The following FOXN3 variants were observed in gnomAD, a reference collection of about 807,000 sequenced individuals.
FOXN3 encodes forkhead box protein N3.
A neutral mutation model predicts 38.4 loss-of-function variants in FOXN3; 7 were observed. The ratio of observed to expected loss-of-function variants is 0.18; its 90% CI spans 0.10 to 0.34. The LOEUF is 0.34. Among genes scored for constraint, FOXN3 ranks in the 10% least tolerant of loss-of-function variants. The pLI is 1.00. For synonymous variants in FOXN3, 230 were observed against 242.2 expected (o/e 0.95, Z 0.47); for missense variants, 456 against 613.4 (o/e 0.74, Z 2.71).
At chr14:89,431,881 AT>A (rs1476281841) in intron 1 of FOXN3, among the ~76,000 whole-genome samples, 1 of 151,912 alleles carries the variant, frequency 6.6e-6, no homozygotes, top group Admixed American at 6.5e-5. Context: ...CGTCCAGCTA[AT>A]TTTTGTATTT....
At chr14:89,333,751 A>T (rs1357247490) in intron 3 of FOXN3, among the ~76,000 whole-genome samples, 16 of 91,852 alleles carry the variant, frequency 1.7e-4, no homozygotes, top group African/African-American at 3.4e-4. Flanking sequence ...GAGACTATTA[A>T]AAAAAAAAAA....
At chr14:89,235,109 A>T (rs1464618893) in intron 4 of FOXN3, among the ~76,000 whole-genome samples, 1 of 152,120 alleles carries the variant, frequency 6.6e-6, no homozygotes, top group Non-Finnish European at 1.5e-5. Context: ...TTCTTATTTA[A>T]TCCTTATGCC....
chr14:89,382,729 T>C (rs1279362703), intron 2 of FOXN3, among the ~76,000 whole-genome samples: 1 of 152,198 alleles, frequency 6.6e-6, no homozygotes, highest in Admixed American at 6.5e-5. Flanking sequence ...GAACAATCAT[T>C]GCCACTTTAC....
intron 1 of FOXN3, among the ~76,000 whole-genome samples, chr14:89,510,671 G>A (rs113769214): frequency 3.3e-5 from 5 of 152,132 alleles, no homozygotes; most frequent in African/African-American, 4.8e-5. Context: ...GACTAGGCAC[G>A]GTGGCTCACA....
At chr14:89,450,433 C>A (rs1276926271) in intron 1 of FOXN3, among the ~76,000 whole-genome samples, 1 of 152,150 alleles carries the variant, frequency 6.6e-6, no homozygotes, top group African/African-American at 2.4e-5. Context: ...AAATGTGCCT[C>A]CGTAGAATGC....
intron 1 of FOXN3, among the ~76,000 whole-genome samples, chr14:89,499,910 T>G (rs1390134410): frequency 6.6e-6 from 1 of 151,846 alleles, no homozygotes; most frequent in Non-Finnish European, 1.5e-5. Flanking sequence ...TTGTTTGTTT[T>G]TTTGAGGTTG....
intron 5 of FOXN3, among the ~76,000 whole-genome samples, chr14:89,175,192 T>C (rs548914647): frequency 1.3e-5 from 2 of 152,334 alleles, no homozygotes; most frequent in South Asian, 4.1e-4. Flanking sequence ...CTGACTTGCT[T>C]CATGTTCCAT....
At chr14:89,360,032 T>C (rs1186045632) in intron 2 of FOXN3, among the ~76,000 whole-genome samples, 1 of 152,146 alleles carries the variant, frequency 6.6e-6, no homozygotes, top group Admixed American at 6.5e-5. Context: ...GTCCAGCATA[T>C]GCCACGGTCT....
In FOXN3 at chr14:89,187,555, C is replaced by T. The variant is rs1253782784; in HGVS notation, c.746-6749G>A. On this transcript the variant is annotated intron_variant, in intron 4 of 5. Transcript: ENST00000557258. ...ACTTTTTCCAGGCCTTGGGCGATGC[C>T]GGCAGGGCAGGGGATGACTGCCTAA... Among the ~76,000 whole-genome samples, 8 of 152,194 alleles carry T rather than the reference C, an allele frequency of 5.3e-5. No individual in the cohort carries two copies. In the East Asian group the frequency reaches 5.8e-4, roughly 11 times the overall value.
rs74646632 is a variant in FOXN3, at chr14:89,248,015, G to A, written c.745+32935C>T. Among the ~76,000 whole-genome samples, 763 of 152,222 alleles carry A rather than the reference G, an allele frequency of 5.0e-3. 7 individuals carry two copies. The highest frequency in any genetic ancestry group is 0.017 in the African/African-American group (716 of 41,522). On this transcript the variant is annotated intron_variant, in intron 4 of 5. Transcript: ENST00000557258. ...CACAATTGCACCTTCTCATCATTTTGGAATCGATATCAATTCTTCAAAGGG... is the reference window on the plus strand; with the variant it reads ...CACAATTGCACCTTCTCATCATTTTAGAATCGATATCAATTCTTCAAAGGG...
At chr14:89,235,651 T>G (rs1884956874) in intron 4 of FOXN3, among the ~76,000 whole-genome samples, 1 of 152,160 alleles carries the variant, frequency 6.6e-6, no homozygotes, top group South Asian at 2.1e-4. Flanking sequence ...ATAGGGACAT[T>G]ATCCTGGATT....
At chr14:89,428,592 G>C (rs1892092242) in intron 1 of FOXN3, among the ~76,000 whole-genome samples, 1 of 152,222 alleles carries the variant, frequency 6.6e-6, no homozygotes, top group Non-Finnish European at 1.5e-5. Flanking sequence ...TTTTAAGTTG[G>C]CATTGCTTCC....
intron 2 of FOXN3, among the ~76,000 whole-genome samples, chr14:89,368,685 G>A (rs752641452): frequency 1.3e-5 from 2 of 152,090 alleles, no homozygotes; most frequent in African/African-American, 2.4e-5. Context: ...CAGTCACTAA[G>A]GTATTCACCT....
At chr14:89,321,834 A>G (rs1163629858) in intron 3 of FOXN3, among the ~76,000 whole-genome samples, 1 of 151,904 alleles carries the variant, frequency 6.6e-6, no homozygotes, top group Non-Finnish European at 1.5e-5. Flanking sequence ...AAGCCCAACA[A>G]ACACAACTAC....
Position 89,469,705 on chromosome 14 carries a change from G to A in FOXN3, c.-14-57215C>T, listed in dbSNP as rs542803024. ...CAGGAGCTGATGGACTAGCTCTGGG[G>A]GAGAGAGAGTGAGGTCTAGGTGATG... On this transcript the variant is annotated intron_variant, in intron 1 of 6. Transcript: ENST00000345097. Among the ~76,000 whole-genome samples the A allele has an allele frequency of 3.9e-5, 6 of 152,318 alleles. No homozygotes were observed. The East Asian group carries it at 1.2e-3, about 29-fold the overall frequency.
In FOXN3 at chr14:89,551,937, C is replaced by G. The variant is rs73333026; in HGVS notation, c.-15+67091G>C. On this transcript the variant is annotated intron_variant, in intron 1 of 6. Coordinates refer to the FOXN3 transcript ENST00000345097. ...AGCAAAAATTCTCATGCAACACCCCCAAAAGCTGGGAACCCAGAGATTCTA... is the reference window on the plus strand; with the variant it reads ...AGCAAAAATTCTCATGCAACACCCCGAAAAGCTGGGAACCCAGAGATTCTA... Among the ~76,000 whole-genome samples the G allele has an allele frequency of 5.4e-3, 822 of 152,272 alleles. 8 individuals carry two copies. The highest frequency in any genetic ancestry group is 0.019 in the African/African-American group (782 of 41,544).
intron 2 of FOXN3, among the ~76,000 whole-genome samples, chr14:89,358,424 A>T (rs987227013): frequency 1.3e-5 from 2 of 152,146 alleles, no homozygotes; most frequent in African/African-American, 4.8e-5. Flanking sequence ...CAAGGTCGAA[A>T]AGGAAGACCC....
intron 5 of FOXN3, among the ~76,000 whole-genome samples, chr14:89,178,189 T>A (rs963628784): frequency 7.9e-5 from 12 of 151,364 alleles, no homozygotes; most frequent in East Asian, 1.9e-4. Flanking sequence ...TTTTTTTTTT[T>A]AAATAGAGAT....
rs530990891 is a variant in FOXN3, at chr14:89,304,268, C to T, written c.681-23254G>A. ...GACAGGCTTGGGTTTGCAGCCTCTG[C>T]TGACGACATTTCTTCCTGCTGAGCT... is the stretch of plus-strand genomic sequence containing the variant. On this transcript the variant is annotated intron_variant, in intron 3 of 5. Transcript: ENST00000557258. Among the ~76,000 whole-genome samples the T allele has an allele frequency of 5.9e-5, 9 of 152,322 alleles. No homozygotes were observed. In the South Asian group the frequency reaches 8.3e-4, roughly 14 times the overall value.
Sources: gnomAD v4.1 joint callset for allele counts (sites outside exome capture counted in the v4.1 genomes callset) on GRCh38, gnomAD v4.1.1 for gene constraint, MANE v1.5 for transcripts, NCBI Gene and HGNC (gene_info 2026-07-23, HGNC 2026-07-21) for gene names.